CAMSAP1: variants seen among roughly 807,000 people sequenced by gnomAD.
CAMSAP1 encodes the protein calmodulin-regulated spectrin-associated protein 1.
Under a neutral mutation model 143.5 loss-of-function variants are expected in CAMSAP1, and 58 were observed. That is an observed-to-expected ratio of 0.40 (90% confidence interval 0.33 to 0.50). The LOEUF is 0.50. CAMSAP1 is among the 20% of genes least tolerant of loss of function. The pLI is 0.45. For missense variants in CAMSAP1, 1,969 were observed against 2,115.7 expected (o/e 0.93, Z 1.36); for synonymous variants, 945 against 859.3 (o/e 1.10, Z -1.74).
At chr9:135,862,379 T>A (rs920583988) in intron 5 of CAMSAP1, 88 bp downstream of exon 5, 12 of 1,364,582 alleles carry the variant, frequency 8.8e-6, no homozygotes, top group Non-Finnish European at 1.1e-5. Context: ...TTCTCTTTTT[T>A]TTTTTTAATA....
chr9:135,891,780 T>G (rs1336331283), intron 1 of CAMSAP1, among the ~76,000 whole-genome samples: 1 of 152,208 alleles, frequency 6.6e-6, no homozygotes, highest in East Asian at 1.9e-4. Flanking sequence ...CTAAAACAGC[T>G]ATTATAAGTT....
rs1838807483 is a variant in CAMSAP1, at chr9:135,907,076, G to A, written c.84C>T (p.Pro28=). 2 of 1,171,176 alleles carry A rather than the reference G, an allele frequency of 1.7e-6. No individual in the cohort carries two copies. Among genetic ancestry groups the A allele is most frequent in the Non-Finnish European group, 2.1e-6 (2 of 942,492 alleles). The allele number at this position is 1,171,176 out of a possible 1,614,324, so 72.5% of individuals were successfully genotyped here. A position where few individuals can be genotyped will look rare whatever the true frequency, so the allele number is the denominator to read the frequency against. Residue 28 remains proline, a synonymous_variant, in exon 1 of 17, where the codon CCC becomes CCT. Coordinates refer to ENST00000389532, the MANE Select transcript of CAMSAP1 (RefSeq NM_015447.4). ...APPDGAADLV[P]LDRYDAARAK... The stretch of plus-strand genomic sequence containing the variant: ...CGCGCGCCGCGTCGTAGCGGTCCAG[G>A]GGCACGAGGTCGGCGGCGCCGTCCG...
At position 135,823,115 on chromosome 9, in the gene CAMSAP1, G is replaced by C; in HGVS notation, c.1546C>G (p.Gln516Glu). 6.2e-7 allele frequency: 1 copy of C among 1,614,004 alleles called. No homozygotes were observed. Residue 516 changes from glutamine (Q) to glutamate (E), a missense_variant, in exon 11 of 17, where the codon CAG becomes GAG. Gln to Glu is a conservative substitution (Grantham distance 29). Transcript: ENST00000389532. ...CTCTTCGTGGCCGTGGGGTGTGGCTGGTTCTGTGGGGTCAGATTAACAATG... is the reference window on the plus strand; with the variant it reads ...CTCTTCGTGGCCGTGGGGTGTGGCTCGTTCTGTGGGGTCAGATTAACAATG... ...SNIVNLTPQNQPHPTATKSHG... is the reference protein window; with the variant it reads ...SNIVNLTPQNEPHPTATKSHG...
intron 1 of CAMSAP1, among the ~76,000 whole-genome samples, chr9:135,887,328 C>T (rs1638683778): frequency 6.6e-6 from 1 of 152,128 alleles, no homozygotes; most frequent in African/African-American, 2.4e-5. Flanking sequence ...GCATGAAGAC[C>T]ACAGAGCCCG....
chr9:135,853,430 A>T (rs573709336), intron 5 of CAMSAP1, among the ~76,000 whole-genome samples: 9 of 152,346 alleles, frequency 5.9e-5, no homozygotes, highest in South Asian at 2.1e-4. Context: ...AGACACAGAA[A>T]TAACACAATC....
rs1564439259 is a variant in CAMSAP1, at chr9:135,850,175, T to C, written c.1007A>G (p.Asp336Gly). The C allele has an allele frequency of 6.2e-7, 1 of 1,612,336 alleles. No individual in the cohort carries two copies. Among genetic ancestry groups the C allele is most frequent in the Admixed American group, 1.7e-5 (1 of 59,834 alleles). ...CTGAACATCCCTGGGCTGAACAAAATCTGGCTTGACATTCTCGAACCACCA... is the reference window on the plus strand; with the variant it reads ...CTGAACATCCCTGGGCTGAACAAAACCTGGCTTGACATTCTCGAACCACCA... ...LFWWFENVKP[D>G]FVQPRDVQEL... The change falls in exon 7 of 17, where the codon GAT (aspartate) becomes GGT (glycine). Residue 336 changes from aspartate to glycine, a missense_variant. Transcript: ENST00000389532.
chr9:135,838,235 G>A (rs1408793001), intron 7 of CAMSAP1, among the ~76,000 whole-genome samples: 2 of 134,934 alleles, frequency 1.5e-5, no homozygotes, highest in East Asian at 2.4e-4. Flanking sequence ...ACGTCATCAC[G>A]CACTTTCCAC....
rs770428163 is a variant in CAMSAP1 at position 135,810,133 on chromosome 9, CCG to C, written c.*1174_*1175del. ...GGCACGCACCTGCTCCTGGGAATGT[CCG>C]CGCTCCACAGAAGCATCAACACCAT... On this transcript the variant is annotated 3_prime_UTR_variant, in exon 17 of 17. Coordinates refer to ENST00000389532, the MANE Select transcript of CAMSAP1 (RefSeq NM_015447.4). 21 of 152,520 alleles carry C rather than the reference CCG, an allele frequency of 1.4e-4. No individual in the cohort carries two copies. The highest frequency in any genetic ancestry group is 2.9e-4 in the Non-Finnish European group (20 of 68,042). The allele number at this position is 152,520 out of a possible 1,614,324, so 9.4% of individuals were successfully genotyped here. A position where few individuals can be genotyped will look rare whatever the true frequency, so the allele number is the denominator to read the frequency against.
At chr9:135,871,871 G>C (rs140555464) in intron 3 of CAMSAP1, among the ~76,000 whole-genome samples, 3 of 152,182 alleles carry the variant, frequency 2.0e-5, no homozygotes, top group Non-Finnish European at 2.9e-5. Flanking sequence ...AGGAGGCCGA[G>C]GTGGGCAGAT....
Position 135,811,761 on chromosome 9 carries a change from G to A in CAMSAP1, c.4507-150C>T, listed in dbSNP as rs1251575466. On this transcript the variant is annotated intron_variant, in intron 16 of 16. Transcript: ENST00000389532. The surrounding 1 kb of genome is among the most constrained non-coding windows in gnomAD (Gnocchi z 4.9). Reference sequence around the variant, plus strand: ...GGCCTGCCTGTTGTAAACAATTACAGCAGACCCCTGTACGGGAGCATTATA... The same window carrying A: ...GGCCTGCCTGTTGTAAACAATTACAACAGACCCCTGTACGGGAGCATTATA... 8.6e-6 allele frequency: 6 copies of A among 697,522 alleles called. No homozygotes were observed. The highest frequency in any genetic ancestry group is 1.4e-5 in the Non-Finnish European group (6 of 418,044). 43.2% of individuals were successfully genotyped at this position (697,522 alleles called of 1,614,324 possible).
At chr9:135,886,436 G>T (rs780297534) in intron 1 of CAMSAP1, among the ~76,000 whole-genome samples, 9 of 152,174 alleles carry the variant, frequency 5.9e-5, no homozygotes, top group African/African-American at 1.9e-4. Context: ...CAGCCAGTAG[G>T]GGGGTGGGTA....
chr9:135,890,746 A>G (rs1032173394), intron 1 of CAMSAP1, among the ~76,000 whole-genome samples: 2 of 152,186 alleles, frequency 1.3e-5, no homozygotes, highest in African/African-American at 4.8e-5. Flanking sequence ...CCCTGGGAAA[A>G]GATTATATCT....
chr9:135,856,181 G>A (rs1836963299), intron 5 of CAMSAP1, among the ~76,000 whole-genome samples: 1 of 152,188 alleles, frequency 6.6e-6, no homozygotes, highest in South Asian at 2.1e-4. Flanking sequence ...CTGAGACTGG[G>A]CAATTTACAA....
chr9:135,872,077 G>C (rs1478668416), intron 3 of CAMSAP1, among the ~76,000 whole-genome samples: 2 of 151,716 alleles, frequency 1.3e-5, no homozygotes, highest in Non-Finnish European at 2.9e-5. Context: ...TCCAACCTGG[G>C]TAACAAGAGC....
chr9:135,868,677 G>A (rs528083680), intron 3 of CAMSAP1, among the ~76,000 whole-genome samples: 2 of 144,340 alleles, frequency 1.4e-5, no homozygotes, highest in South Asian at 4.4e-4. Context: ...AAGTGCGGTG[G>A]CATGATCTCG....
At chr9:135,877,205 A>T (rs1837781455) in intron 3 of CAMSAP1, among the ~76,000 whole-genome samples, 1 of 152,118 alleles carries the variant, frequency 6.6e-6, no homozygotes, top group African/African-American at 2.4e-5. Context: ...TCAATCTCAG[A>T]AACACTTTGT....
chr9:135,823,095 C>T lies in CAMSAP1; in HGVS notation c.1566G>A (p.Thr522=), dbSNP rs763674817. The T allele has an allele frequency of 5.0e-5, 81 of 1,613,918 alleles. No individual in the cohort carries two copies. Among genetic ancestry groups the T allele is most frequent in the Non-Finnish European group, 6.2e-5 (73 of 1,179,918 alleles). Residue 522 remains threonine, a synonymous_variant, in exon 11 of 17, where the codon ACG becomes ACA. Coordinates refer to ENST00000389532, the MANE Select transcript of CAMSAP1 (RefSeq NM_015447.4). Reference sequence around the variant, plus strand: ...TCAGGAGGCTCTTCCCGTGGCTCTTCGTGGCCGTGGGGTGTGGCTGGTTCT... The same window carrying T: ...TCAGGAGGCTCTTCCCGTGGCTCTTTGTGGCCGTGGGGTGTGGCTGGTTCT... ...TPQNQPHPTA[T]KSHGKSLLSN...
Position 135,904,134 on chromosome 9 carries a change from G to A in CAMSAP1, c.160+2866C>T, listed in dbSNP as rs536615116. ...TGTAATCCTAGCACTTTGGGAGGCCGAGGCGGGCAGATCACCTGAGCCCAG... is the reference window on the plus strand; with the variant it reads ...TGTAATCCTAGCACTTTGGGAGGCCAAGGCGGGCAGATCACCTGAGCCCAG... On this transcript the variant is annotated intron_variant, in intron 1 of 16. Transcript: ENST00000389532. 7.2e-5 allele frequency among the ~76,000 whole-genome samples: 11 copies of A among 152,168 alleles called. No homozygotes were observed. The South Asian group carries it at 1.9e-3, about 26-fold the overall frequency.
At chr9:135,881,862 C>A in intron 2 of CAMSAP1, 68 bp from the exon 3 acceptor site, 1 of 1,521,146 alleles carries the variant, frequency 6.6e-7, no homozygotes, top group Non-Finnish European at 8.9e-7. Flanking sequence ...ATGCAGGGAA[C>A]CTGCTCATAC....
Sources: allele counts gnomAD v4.1 joint callset (sites outside exome capture counted in the v4.1 genomes callset), GRCh38; gene constraint gnomAD v4.1.1; non-coding constraint Gnocchi (gnomAD v3.1); transcripts MANE v1.5; gene names NCBI Gene and HGNC (gene_info 2026-07-23, HGNC 2026-07-21).